Variants in TBRG4 observed in about 807,000 individuals in gnomAD.
TBRG4 encodes the protein transforming growth factor beta regulator 4, also known as FAST kinase domain-containing protein 4.
Under a neutral mutation model 65.6 loss-of-function variants are expected in TBRG4, and 43 were observed. That is an observed-to-expected ratio of 0.66 (90% CI 0.51 to 0.85). TBRG4 has a LOEUF of 0.85. TBRG4 is among the 40% of genes least tolerant of loss of function. TBRG4 has a pLI of 0.00. For missense variants in TBRG4, 709 were observed against 787.9 expected, an observed-to-expected ratio of 0.90 and a Z score of 1.20; for synonymous variants, 366 against 341.4, an observed-to-expected ratio of 1.07 and a Z score of -0.79.
chr7:45,106,955 T>C (rs1784978157), intron 2 of TBRG4: 2 of 152,196 alleles, frequency 1.3e-5, no homozygotes, highest in African/African-American at 4.8e-5. Context: ...CGTTAGGCAG[T>C]GAACCACCAC....
chr7:45,105,607 G>C lies in TBRG4; in HGVS notation c.569C>G (p.Ser190Cys). 4 of 1,614,148 alleles carry C rather than the reference G, an allele frequency of 2.5e-6. No homozygotes were observed. The highest frequency in any genetic ancestry group is 3.4e-6 in the Non-Finnish European group (4 of 1,180,034). Residue 190 changes from serine to cysteine, a missense_variant, in exon 3 of 11, where the codon TCC becomes TGC. By Grantham distance (112) the Ser-to-Cys change is moderately radical. Coordinates refer to ENST00000258770, the MANE Select transcript of TBRG4 (RefSeq NM_004749.4). ...KYKHLAFLAE[S>C]CATLSQEQHS... Reference sequence around the variant, plus strand: ...CTGCTCCTGTGAGAGGGTGGCACAGGACTCTGCCAGGAAGGCCAGGTGCTT... The same window carrying C: ...CTGCTCCTGTGAGAGGGTGGCACAGCACTCTGCCAGGAAGGCCAGGTGCTT...
At chr7:45,105,868 C>T in intron 2 of TBRG4, 104 bp from the exon 3 acceptor site, 1 of 1,306,404 alleles carries the variant, frequency 7.7e-7, no homozygotes, top group Non-Finnish European at 1.1e-6. Flanking sequence ...TTTACTACAA[C>T]TCTTCAGAGA....
chr7:45,111,036 T>G (rs926386871), intron 1 of TBRG4, among the ~76,000 whole-genome samples: 1 of 152,318 alleles, frequency 6.6e-6, no homozygotes, highest in African/African-American at 2.4e-5. Flanking sequence ...AGTGCAATGC[T>G]GCGATCTCGA....
At chr7:45,105,243 A>T (rs934247115) in intron 3 of TBRG4, 198 bp downstream of exon 3, 5 of 632,654 alleles carry the variant, frequency 7.9e-6, no homozygotes, top group African/African-American at 5.5e-5. Flanking sequence ...TGATGAATGC[A>T]GCCACAGGGC....
At chr7:45,102,132 T>C in intron 7 of TBRG4, 62 bp from the exon 8 acceptor site, 4 of 1,539,918 alleles carry the variant, frequency 2.6e-6, no homozygotes, top group Non-Finnish European at 3.5e-6. Context: ...GAGACCCTGA[T>C]GAGAGGGCAG....
chr7:45,107,820 T>C (rs1785007699), intron 2 of TBRG4: 2 of 153,720 alleles, frequency 1.3e-5, no homozygotes, highest in South Asian at 4.1e-4. Context: ...AAACAGCAAT[T>C]AGAATTGTAG....
rs1444394746 is a variant in TBRG4 at position 45,101,939 on chromosome 7, G to A, written c.1453C>T (p.Leu485Phe). 1 of 1,607,230 alleles carries A rather than the reference G, an allele frequency of 6.2e-7. No homozygotes were observed. Among genetic ancestry groups the A allele is most frequent in the African/African-American group, 1.3e-5 (1 of 74,632 alleles). Residue 485 changes from leucine (L) to phenylalanine (F), a missense_variant, in exon 8 of 11, where the codon CTT becomes TTT. Physicochemically the swap from Leu to Phe is conservative, Grantham distance 22. Transcript: ENST00000258770. Reference protein sequence around the residue: ...ASAVAPGPSALDRKVTPLQKE... With the variant: ...ASAVAPGPSAFDRKVTPLQKE... Reference sequence around the variant, plus strand: ...TGCAGGGGGGTCACCTTCCTGTCAAGGGCTGAGGGCCCAGGGGCCACAGCC... The same window carrying A: ...TGCAGGGGGGTCACCTTCCTGTCAAAGGCTGAGGGCCCAGGGGCCACAGCC...
rs376888770 is a variant in TBRG4 at position 45,101,586 on chromosome 7, G to A, written c.1596C>T (p.Gly532=). 17 of 1,613,572 alleles carry A rather than the reference G, an allele frequency of 1.1e-5. No homozygotes were observed. Among genetic ancestry groups the A allele is most frequent in the Middle Eastern group, 1.7e-4 (1 of 6,052 alleles). ...LDAEVLLDSD[G]EFLPVRDFVA... Reference sequence around the variant, plus strand: ...CAAAGTCCCTTACGGGCAGAAACTCGCCGTCACTGTCCAGCAGCACCTCAG... The same window carrying A: ...CAAAGTCCCTTACGGGCAGAAACTCACCGTCACTGTCCAGCAGCACCTCAG... Residue 532 remains glycine, a synonymous_variant, in exon 9 of 11, where the codon GGC becomes GGT. Coordinates refer to ENST00000258770, the MANE Select transcript of TBRG4 (RefSeq NM_004749.4).
At position 45,104,626 on chromosome 7, in the gene TBRG4, C is replaced by G. The variant is rs764289642; in HGVS notation, c.819G>C (p.Val273=). The G allele has an allele frequency of 1.2e-6, 2 of 1,613,932 alleles. No homozygotes were observed. The highest frequency in any genetic ancestry group is 1.7e-6 in the Non-Finnish European group (2 of 1,180,042). The change falls in exon 4 of 11, where the codon GTG becomes GTC. Residue 273 remains valine (V), a synonymous_variant. Transcript: ENST00000258770. ...GGTAGGAGATGGCCCGCAGCAAGGG[C>G]ACGGACCGCCGGCTCTGAGCTGCCA... ...VMLAAQSRRS[V]PLLRAISYHL...
Position 45,109,240 on chromosome 7 carries a change from T to A in TBRG4, c.-3A>T. On this transcript the variant is annotated 5_prime_UTR_variant, in exon 2 of 11. Coordinates refer to ENST00000258770, the MANE Select transcript of TBRG4 (RefSeq NM_004749.4). ...CGCTTTACCAGGTGAGCTGCCATGA[T>A]GTCCTGGGTGGCAGAGAGACAAGAC... The A allele has an allele frequency of 6.4e-7, 1 of 1,574,150 alleles. No individual in the cohort carries two copies. Among genetic ancestry groups the A allele is most frequent in the Non-Finnish European group, 8.6e-7 (1 of 1,161,312 alleles).
chr7:45,103,797 T>C (rs1784846221), intron 5 of TBRG4: 2 of 525,980 alleles, frequency 3.8e-6, no homozygotes, highest in Middle Eastern at 5.1e-4. Flanking sequence ...GGATCAGTGA[T>C]TCAGTAGACA....
chr7:45,104,313 A>T (rs1229260620), intron 4 of TBRG4, 57 bp from the exon 5 acceptor site: 1 of 1,610,642 alleles, frequency 6.2e-7, no homozygotes, highest in East Asian at 2.2e-5. Flanking sequence ...ATCACCCAGC[A>T]GCTCCACCCC....
At chr7:45,104,901 T>C in intron 3 of TBRG4, 192 bp from the exon 4 acceptor site, 1 of 928,700 alleles carries the variant, frequency 1.1e-6, no homozygotes, top group South Asian at 1.3e-5. Context: ...CCCCTGGACC[T>C]GGAGCACTGT....
rs774265854 is a variant in TBRG4, at chr7:45,104,529, A to G, written c.907+9T>C. On this transcript the variant is annotated intron_variant, in intron 4 of 10. Transcript: ENST00000258770. Reference sequence around the variant, plus strand: ...CCCCTCTCTCCACCGTTCTGTCCAAAGGGCTCACCATAGGCATAGGCCACG... The same window carrying G: ...CCCCTCTCTCCACCGTTCTGTCCAAGGGGCTCACCATAGGCATAGGCCACG... 6.2e-7 allele frequency: 1 copy of G among 1,613,824 alleles called. No individual in the cohort carries two copies. Among genetic ancestry groups the G allele is most frequent in the Non-Finnish European group, 8.5e-7 (1 of 1,179,978 alleles).
At position 45,102,019 on chromosome 7, in the gene TBRG4, T is replaced by C; in HGVS notation, c.1373A>G (p.Asn458Ser). 1 of 1,565,916 alleles carries C rather than the reference T, an allele frequency of 6.4e-7. No individual in the cohort carries two copies. Among genetic ancestry groups the C allele is most frequent in the Non-Finnish European group, 8.6e-7 (1 of 1,160,566 alleles). ...QNTFQKLLHI[N>S]ATALLEYPEY... The stretch of plus-strand genomic sequence containing the variant: ...GGGGTACTCCAGCAGGGCAGTGGCG[T>C]TGATGTGGAGCAGCTTCTGGAAGGT... Residue 458 changes from asparagine to serine, a missense_variant, in exon 8 of 11, where the codon AAC becomes AGC. Asn to Ser is a conservative substitution (Grantham distance 46). Coordinates refer to ENST00000258770, the MANE Select transcript of TBRG4 (RefSeq NM_004749.4).
At chr7:45,105,891 T>G (rs1784937858) in intron 2 of TBRG4, 127 bp from the exon 3 acceptor site, 1 of 1,161,498 alleles carries the variant, frequency 8.6e-7, no homozygotes, top group African/African-American at 1.5e-5. Context: ...ACAGTATCAG[T>G]TCCCCACTCC....
At chr7:45,103,742 G>A in intron 5 of TBRG4, 2 of 514,124 alleles carry the variant, frequency 3.9e-6, no homozygotes, top group South Asian at 5.1e-5. Context: ...ACACATAAAC[G>A]TAACTGCAGG....
chr7:45,104,851 A>C, intron 3 of TBRG4, 142 bp from the exon 4 acceptor site: 2 of 1,296,672 alleles, frequency 1.5e-6, no homozygotes, highest in Non-Finnish European at 2.2e-6. Flanking sequence ...TAAACACAGG[A>C]CCACTGTGCA....
intron 5 of TBRG4, 87 bp downstream of exon 5, chr7:45,104,012 T>G: frequency 6.9e-7 from 1 of 1,446,010 alleles, no homozygotes; most frequent in Non-Finnish European, 9.1e-7. Context: ...ATTTTCAGAC[T>G]GGCTTTACTT....
Sources: gnomAD v4.1 joint callset for allele counts (sites outside exome capture counted in the v4.1 genomes callset) on GRCh38, gnomAD v4.1.1 for gene constraint, MANE v1.5 for transcripts, NCBI Gene and HGNC (gene_info 2026-07-23, HGNC 2026-07-21) for gene names.